The following CRABP2 variants were observed in gnomAD, a reference collection of about 807,000 sequenced individuals.
CRABP2 encodes the protein cellular retinoic acid-binding protein 2.
CRABP2 carries 20 observed loss-of-function variants against 17.9 expected under a neutral mutation model. That is an observed-to-expected ratio of 1.12 (90% CI 0.79 to 1.63). CRABP2 has a LOEUF of 1.63. Among genes scored for constraint, CRABP2 ranks in the 40% most tolerant of loss-of-function variants. The probability of loss-of-function intolerance (pLI) is 0.00; values close to 1 mark genes in which losing one functional copy is unlikely to be tolerated. For synonymous variants in CRABP2, 76 were observed against 66.4 expected (o/e 1.14, Z -0.70); for missense variants, 151 against 168.6 (o/e 0.90, Z 0.58).
At position 156,699,753 on chromosome 1, in the gene CRABP2, T is replaced by G; in HGVS notation, c.*273A>C. On this transcript the variant is annotated 3_prime_UTR_variant, in exon 4 of 4. Coordinates refer to ENST00000368222, the MANE Select transcript of CRABP2 (RefSeq NM_001878.4). ...TTAGAGAGACCCTGCTCTGGGCTGG[T>G]TTGGGGCTAGGACTGCTGACTTGGG... 4 of 469,382 alleles carry G rather than the reference T, an allele frequency of 8.5e-6. No individual in the cohort carries two copies. The highest frequency in any genetic ancestry group is 5.9e-4 in the Middle Eastern group (1 of 1,706). 29.1% of individuals were successfully genotyped at this position (469,382 alleles called of 1,614,324 possible). A position where few individuals can be genotyped will look rare whatever the true frequency, so the allele number is the denominator to read the frequency against.
chr1:156,700,934 C>G lies in CRABP2; in HGVS notation c.189G>C (p.Glu63Asp). Reference protein sequence around the residue: ...IKTSTTVRTTEINFKVGEEFE... With the variant: ...IKTSTTVRTTDINFKVGEEFE... ...ACTCCTCCCCAACCTTGAAGTTAATCTCTGTGGTGCGCACGGTGGTGGAGG... is the reference window on the plus strand; with the variant it reads ...ACTCCTCCCCAACCTTGAAGTTAATGTCTGTGGTGCGCACGGTGGTGGAGG... The change falls in exon 2 of 4, where the codon GAG (glutamate) becomes GAC (aspartate). Residue 63 changes from glutamate (E) to aspartate (D), a missense_variant. By Grantham distance (45) the Glu-to-Asp change is conservative (BLOSUM62 2). Transcript: ENST00000368222. 2 of 1,614,212 alleles carry G rather than the reference C, an allele frequency of 1.2e-6. No individual in the cohort carries two copies. The highest frequency in any genetic ancestry group is 2.2e-5 in the East Asian group (1 of 44,888).
chr1:156,700,782 G>C, intron 2 of CRABP2, 92 bp downstream of exon 2: 2 of 1,535,054 alleles, frequency 1.3e-6, no homozygotes, highest in Non-Finnish European at 1.8e-6. Flanking sequence ...CTGGGACAGA[G>C]AGAAGCTAGG....
At chr1:156,704,621 A>G (rs563688864) in intron 1 of CRABP2, among the ~76,000 whole-genome samples, 3 of 152,308 alleles carry the variant, frequency 2.0e-5, no homozygotes, top group South Asian at 2.1e-4. Flanking sequence ...AACACACCCA[A>G]TTGGGCTGCA....
upstream of CRABP2, chr1:156,705,759 G>A (rs1470504635): frequency 9.1e-6 from 3 of 330,812 alleles, no homozygotes; most frequent in Non-Finnish European, 1.7e-5. This position sits in a 1 kb window ranked among gnomAD's most constrained non-coding sequence, Gnocchi z 5.2. Context: ...GACCGAGATA[G>A]CCTTCTCCTG....
chr1:156,699,888 C>G lies in CRABP2; in HGVS notation c.*138G>C. The stretch of plus-strand genomic sequence containing the variant: ...AAAGAAAGCAAGACCCTGCAAGAGG[C>G]ATCCCAGTGACCCCCAGAAGTGACT... On this transcript the variant is annotated 3_prime_UTR_variant, in exon 4 of 4. Coordinates refer to ENST00000368222, the MANE Select transcript of CRABP2 (RefSeq NM_001878.4). 2 of 809,970 alleles carry G rather than the reference C, an allele frequency of 2.5e-6. No individual in the cohort carries two copies. The highest frequency in any genetic ancestry group is 3.3e-5 in the South Asian group (2 of 59,902). 50.2% of individuals were successfully genotyped at this position (809,970 alleles called of 1,614,324 possible). A position where few individuals can be genotyped will look rare whatever the true frequency, so the allele number is the denominator to read the frequency against.
chr1:156,700,132 G>A, intron 3 of CRABP2, 56 bp from the exon 4 acceptor site: 1 of 1,574,176 alleles, frequency 6.4e-7, no homozygotes, highest in Non-Finnish European at 8.7e-7. Flanking sequence ...CTGTGGCTTT[G>A]GAGAGGAGGG....
intron 2 of CRABP2, 33 bp downstream of exon 2, chr1:156,700,841 C>T (rs748283017): frequency 1.9e-5 from 30 of 1,604,556 alleles, no homozygotes; most frequent in African/African-American, 5.4e-5. Flanking sequence ...AGGGCAATGA[C>T]GCCATGACCC....
rs1353484000 is a variant in CRABP2, at chr1:156,700,550, G to C, written c.358C>G (p.Leu120Val). 1.9e-6 allele frequency: 3 copies of C among 1,613,350 alleles called. No individual in the cohort carries two copies. Among genetic ancestry groups the C allele is most frequent in the Non-Finnish European group, 2.5e-6 (3 of 1,179,394 alleles). The change falls in exon 3 of 4, where the codon CTG (leucine) becomes GTG (valine). Residue 120 changes from leucine (L) to valine (V), a missense_variant. By Grantham distance (32) the Leu-to-Val change is conservative. Coordinates refer to ENST00000368222, the MANE Select transcript of CRABP2 (RefSeq NM_001878.4). ...WTRELTNDGE[L>V]ILTMTADDVV... The stretch of plus-strand genomic sequence containing the variant: ...GAGGAGGCAGGACTTACCAGGATCA[G>C]TTCCCCATCGTTGGTCAGTTCTCTG...
chr1:156,700,854 G>A lies in CRABP2; in HGVS notation c.249+20C>T. The A allele has an allele frequency of 6.2e-7, 1 of 1,610,088 alleles. No homozygotes were observed. Among genetic ancestry groups the A allele is most frequent in the Non-Finnish European group, 8.5e-7 (1 of 1,177,112 alleles). On this transcript the variant is annotated intron_variant, in intron 2 of 3. Transcript: ENST00000368222. ...GCAGGGCAATGACGCCATGACCCTG[G>A]AGCCCCTTCTGGCACTCACCTTACA... is the stretch of plus-strand genomic sequence containing the variant.
Position 156,700,619 on chromosome 1 carries a change from C to T in CRABP2, c.289G>A (p.Glu97Lys). The change falls in exon 3 of 4, where the codon GAG becomes AAG. Residue 97 changes from glutamate (E) to lysine (K), a missense_variant. Coordinates refer to ENST00000368222, the MANE Select transcript of CRABP2 (RefSeq NM_001878.4). ...CCCTCTCCCTTCAGGAGCTTCTGCT[C>T]ACAGACCATTTTATTCTCACTCTCC... is the stretch of plus-strand genomic sequence containing the variant. ...KWESENKMVC[E>K]QKLLKGEGPK... 6.2e-7 allele frequency: 1 copy of T among 1,614,166 alleles called. No individual in the cohort carries two copies. The highest frequency in any genetic ancestry group is 8.5e-7 in the Non-Finnish European group (1 of 1,180,020).
At chr1:156,704,485 C>T (rs1648137535) in intron 1 of CRABP2, among the ~76,000 whole-genome samples, 1 of 152,218 alleles carries the variant, frequency 6.6e-6, no homozygotes, top group African/African-American at 2.4e-5. Flanking sequence ...CTCTCCCAGT[C>T]ACCAGGTCCT....
intron 2 of CRABP2, 85 bp from the exon 3 acceptor site, chr1:156,700,743 C>A: frequency 6.6e-7 from 1 of 1,504,342 alleles, no homozygotes; most frequent in Non-Finnish European, 9.2e-7. Context: ...CCCTTTCTAG[C>A]CCCCACCACC....
rs1361011470 is a variant in CRABP2, at chr1:156,705,289, A to G, written c.70+88T>C. On this transcript the variant is annotated intron_variant, in intron 1 of 3. Transcript: ENST00000368222. This position sits in a 1 kb window ranked among gnomAD's most constrained non-coding sequence, Gnocchi z 5.2. ...CAGGCACCCAGTGTCTCACGCCCTG[A>G]TTGTGGTCCCGCTGTCTTTCTCATC... The G allele has an allele frequency of 7.7e-6, 11 of 1,434,434 alleles. No homozygotes were observed. The highest frequency in any genetic ancestry group is 7.9e-6 in the Non-Finnish European group (8 of 1,017,854). The allele number at this position is 1,434,434 out of a possible 1,614,324, so 88.9% of individuals were successfully genotyped here. A position where few individuals can be genotyped will look rare whatever the true frequency, so the allele number is the denominator to read the frequency against.
At chr1:156,701,766 T>A (rs1648040921) in intron 1 of CRABP2, among the ~76,000 whole-genome samples, 1 of 152,174 alleles carries the variant, frequency 6.6e-6, no homozygotes, top group Admixed American at 6.5e-5. Context: ...CCTTACAGGC[T>A]GGGTGACCCT....
intron 1 of CRABP2, among the ~76,000 whole-genome samples, chr1:156,702,042 C>T (rs1648052803): frequency 6.6e-6 from 1 of 151,510 alleles, no homozygotes; most frequent in South Asian, 2.1e-4. Context: ...ACTCAGGAGG[C>T]TGAGGCAGGA....
intron 1 of CRABP2, among the ~76,000 whole-genome samples, chr1:156,704,103 A>G (rs749307380): frequency 1.7e-4 from 26 of 152,200 alleles, no homozygotes; most frequent in Admixed American, 3.9e-4. Context: ...CAGGGGCCAG[A>G]ATCCAGAGAA....
In CRABP2 at chr1:156,705,535, G is replaced by T; in HGVS notation, c.-89C>A. The T allele has an allele frequency of 6.9e-7, 1 of 1,451,718 alleles. No homozygotes were observed. The highest frequency in any genetic ancestry group is 1.1e-5 in the South Asian group (1 of 87,524). 89.9% of individuals were successfully genotyped at this position (1,451,718 alleles called of 1,614,324 possible). A position where few individuals can be genotyped will look rare whatever the true frequency, so the allele number is the denominator to read the frequency against. On this transcript the variant is annotated 5_prime_UTR_variant, in exon 1 of 4. Coordinates refer to ENST00000368222, the MANE Select transcript of CRABP2 (RefSeq NM_001878.4). This position sits in a 1 kb window ranked among gnomAD's most constrained non-coding sequence, Gnocchi z 5.2. ...GTCAAAAGAGACGTCGCCGTCGCCG[G>T]GTCGTCAGGTTCTGGAACCAAGACA...
chr1:156,705,336 GC>G lies in CRABP2; in HGVS notation c.70+40del, dbSNP rs745393005. The G allele has an allele frequency of 1.4e-5, 22 of 1,604,554 alleles. No homozygotes were observed. Among genetic ancestry groups the G allele is most frequent in the Non-Finnish European group, 1.5e-5 (17 of 1,171,300 alleles). ...CATCCCCAACTTCGAGGACTCCAGA[GC>G]CCCCCCTTGCCCCACCTGGGCCCTC... On this transcript the variant is annotated intron_variant, in intron 1 of 3. Transcript: ENST00000368222. This position sits in a 1 kb window ranked among gnomAD's most constrained non-coding sequence, Gnocchi z 5.2.
At position 156,700,966 on chromosome 1, in the gene CRABP2, T is replaced by G; in HGVS notation, c.157A>C (p.Ile53Leu). The G allele has an allele frequency of 1.2e-6, 2 of 1,614,148 alleles. No homozygotes were observed. Among genetic ancestry groups the G allele is most frequent in the Admixed American group, 1.7e-5 (1 of 60,018 alleles). ...GTGCGCACGGTGGTGGAGGTTTTGATGTAGAAAGTGTCTCCCTCCTGTTTG... is the reference window on the plus strand; with the variant it reads ...GTGCGCACGGTGGTGGAGGTTTTGAGGTAGAAAGTGTCTCCCTCCTGTTTG... ...EIKQEGDTFY[I>L]KTSTTVRTTE... Residue 53 changes from isoleucine (I) to leucine (L), a missense_variant, in exon 2 of 4, where the codon ATC (isoleucine) becomes CTC (leucine). Ile to Leu is a conservative substitution (Grantham distance 5). Transcript: ENST00000368222.
Sources: gnomAD v4.1 joint callset for allele counts (sites outside exome capture counted in the v4.1 genomes callset) on GRCh38, gnomAD v4.1.1 for gene constraint, Gnocchi (gnomAD v3.1) non-coding constraint, MANE v1.5 for transcripts, NCBI Gene and HGNC (gene_info 2026-07-23, HGNC 2026-07-21) for gene names.